Variants in ROS1 observed in about 807,000 individuals in gnomAD.
The protein encoded by ROS1 is ROS proto-oncogene 1, receptor tyrosine kinase, also known as proto-oncogene tyrosine-protein kinase ROS.
A neutral mutation model predicts 273.5 loss-of-function variants in ROS1; 263 were observed. That is an observed-to-expected ratio of 0.96 (90% CI 0.87 to 1.06). The LOEUF is 1.06. Among genes scored for constraint, ROS1 ranks in the 50% least tolerant of loss-of-function variants. The pLI, the probability that ROS1 is intolerant of heterozygous loss-of-function variation, is 0.00. For synonymous variants in ROS1, 1,008 were observed against 954.1 expected (o/e 1.06, Z -1.04); for missense variants, 2,833 against 2,751.1 (o/e 1.03, Z -0.67).
rs181176298 is a variant in ROS1 at position 117,372,562 on chromosome 6, G to A, written c.2583-6272C>T. Among the ~76,000 whole-genome samples, 402 of 152,324 alleles carry A rather than the reference G, an allele frequency of 2.6e-3. 2 individuals are homozygous for A. The highest frequency in any genetic ancestry group is 8.8e-3 in the African/African-American group (364 of 41,570). On this transcript the variant is annotated intron_variant, in intron 18 of 43. Coordinates refer to ENST00000368507, the MANE Select transcript of ROS1 (RefSeq NM_001378902.1). ...AGTTTGTTCCTTCTGATGTTCGGATGTGTTTGGAGTTTCTTCCTTCTGGTG... is the reference window on the plus strand; with the variant it reads ...AGTTTGTTCCTTCTGATGTTCGGATATGTTTGGAGTTTCTTCCTTCTGGTG...
rs1238577631 is a variant in ROS1 at position 117,394,244 on chromosome 6, A to G, written c.1109T>C (p.Ile370Thr). The G allele has an allele frequency of 6.2e-7, 1 of 1,611,098 alleles. No individual in the cohort carries two copies. The highest frequency in any genetic ancestry group is 1.7e-5 in the Admixed American group (1 of 59,514). Reference protein sequence around the residue: ...ANMSDVSDLRIFYRGSGLISS... With the variant: ...ANMSDVSDLRTFYRGSGLISS... ...AATTAATCCTGAACCTCTGTAAAAA[A>G]TTCTCAGGTCAGATACATCAGACAT... The change falls in exon 11 of 44, where the codon ATT (isoleucine) becomes ACT (threonine). Residue 370 changes from isoleucine to threonine, a missense_variant. By Grantham distance (89) the Ile-to-Thr change is moderately conservative. Transcript: ENST00000368507.
At chr6:117,346,148 CA>C (rs1289676841) in intron 27 of ROS1, among the ~76,000 whole-genome samples, 1 of 152,072 alleles carries the variant, frequency 6.6e-6, no homozygotes, top group Non-Finnish European at 1.5e-5. Flanking sequence ...TTATCTAATT[CA>C]AAAGTCATTG....
At chr6:117,416,888 C>T (rs992260219) in intron 2 of ROS1, among the ~76,000 whole-genome samples, 9 of 152,228 alleles carry the variant, frequency 5.9e-5, no homozygotes, top group African/African-American at 2.2e-4. Flanking sequence ...TCATCTGTAC[C>T]TGTCTTGACC....
chr6:117,418,370 T>C, intron 2 of ROS1, 92 bp downstream of exon 2: 1 of 851,536 alleles, frequency 1.2e-6, no homozygotes, highest in Non-Finnish European at 1.9e-6. Flanking sequence ...AGATTTTACT[T>C]AGCAATTCTT....
chr6:117,342,837 T>C (rs1032474674), intron 28 of ROS1, among the ~76,000 whole-genome samples: 5 of 152,148 alleles, frequency 3.3e-5, no homozygotes, highest in African/African-American at 1.2e-4. Flanking sequence ...AACATTGTAT[T>C]AGAAATTCAG....
At chr6:117,345,372 C>CCGG (rs1487462889) in intron 27 of ROS1, among the ~76,000 whole-genome samples, 2 of 152,224 alleles carry the variant, frequency 1.3e-5, no homozygotes, top group African/African-American at 4.8e-5. Context: ...TGTCCTCACT[C>CCGG]CACTTCACGT....
In ROS1 at chr6:117,327,127, G is replaced by T. The variant is rs1361533166; in HGVS notation, c.5349-713C>A. On this transcript the variant is annotated intron_variant, in intron 33 of 43. Transcript: ENST00000368507. ...CAGACCGCAATAGTTTTAGGACTTG[G>T]TGCCAATCCACGGTAAGCTTAGGGA... Among the ~76,000 whole-genome samples, 3 of 152,160 alleles carry T rather than the reference G, an allele frequency of 2.0e-5. No individual in the cohort carries two copies. The East Asian group carries it at 5.8e-4, about 29-fold the overall frequency.
At chr6:117,418,947 CT>C (rs146641115) in intron 1 of ROS1, among the ~76,000 whole-genome samples, 18 of 152,212 alleles carry the variant, frequency 1.2e-4, no homozygotes, top group Non-Finnish European at 2.4e-4. Context: ...ATTTTAAGAA[CT>C]TTTTTATACT....
chr6:117,334,418 G>T (rs1777315506), intron 32 of ROS1, among the ~76,000 whole-genome samples: 1 of 152,140 alleles, frequency 6.6e-6, no homozygotes, highest in South Asian at 2.1e-4. Flanking sequence ...TGGCCATTCT[G>T]CCCAGAGTAA....
At chr6:117,386,445 C>A (rs1330093211) in intron 15 of ROS1, among the ~76,000 whole-genome samples, 1 of 152,254 alleles carries the variant, frequency 6.6e-6, no homozygotes, top group East Asian at 1.9e-4. Context: ...GCCTTCCAGG[C>A]AAATTACCCA....
intron 2 of ROS1, among the ~76,000 whole-genome samples, chr6:117,417,688 A>G (rs1222873022): frequency 6.6e-6 from 1 of 152,110 alleles, no homozygotes; most frequent in Non-Finnish European, 1.5e-5. Context: ...CATGTACCCC[A>G]ATTTCCAAGC....
intron 4 of ROS1, among the ~76,000 whole-genome samples, chr6:117,410,014 G>A (rs1321799): frequency 1.3e-5 from 2 of 151,976 alleles, no homozygotes; most frequent in Admixed American, 6.5e-5. Context: ...ATAAACTCAC[G>A]TATTTAAAGT....
rs1373649183 is a variant in ROS1, at chr6:117,387,000, C to T, written c.2000-1G>A. Reference sequence around the variant, plus strand: ...GCCATGATAAATGGTGGTTCACTAGCTGTTTAGTAAAAAAGAAATTAAAAG... The same window carrying T: ...GCCATGATAAATGGTGGTTCACTAGTTGTTTAGTAAAAAAGAAATTAAAAG... On this transcript the variant is annotated splice_acceptor_variant, in intron 14 of 43. Transcript: ENST00000368507. LOFTEE classifies it high-confidence loss of function. 5 of 1,575,520 alleles carry T rather than the reference C, an allele frequency of 3.2e-6. No homozygotes were observed. In the African/African-American group the frequency reaches 4.1e-5, roughly 13 times the overall value.
intron 43 of ROS1, among the ~76,000 whole-genome samples, chr6:117,294,390 C>T (rs1189080509): frequency 6.6e-6 from 1 of 151,910 alleles, no homozygotes; most frequent in Non-Finnish European, 1.5e-5. Flanking sequence ...CTAGAAAAAC[C>T]TAAAGATTCC....
intron 5 of ROS1, among the ~76,000 whole-genome samples, chr6:117,407,581 T>C (rs894985534): frequency 6.6e-6 from 1 of 152,172 alleles, no homozygotes; most frequent in Non-Finnish European, 1.5e-5. Context: ...TTTAGCTGAA[T>C]AATGAAAGGT....
At position 117,387,845 on chromosome 6, in the gene ROS1, C is replaced by G. The variant is rs991348240; in HGVS notation, c.1934G>C (p.Arg645Thr). Residue 645 changes from arginine to threonine, a missense_variant, in exon 14 of 44, where the codon AGA becomes ACA. Coordinates refer to ENST00000368507, the MANE Select transcript of ROS1 (RefSeq NM_001378902.1). ...GCCTGGCCTCTTTGGAGAACTTGCT[C>G]TCACAGAAACCTTGTATTTCATAGC... ...QSAMKYKVSV[R>T]ASSPKRPGPW... The G allele has an allele frequency of 6.2e-7, 1 of 1,614,198 alleles. No homozygotes were observed. Among genetic ancestry groups the G allele is most frequent in the Non-Finnish European group, 8.5e-7 (1 of 1,180,030 alleles).
At chr6:117,368,267 G>A (rs1485901355) in intron 18 of ROS1, among the ~76,000 whole-genome samples, 1 of 152,004 alleles carries the variant, frequency 6.6e-6, no homozygotes, top group African/African-American at 2.4e-5. Context: ...CAGCATTTTG[G>A]AGTGATAGTT....
At chr6:117,383,153 G>T (rs4945582) in intron 17 of ROS1, among the ~76,000 whole-genome samples, 164 bp downstream of exon 17, 73,045 of 138,974 alleles carry the variant, frequency 0.53, 18,316 homozygotes, top group African/African-American at 0.65. Flanking sequence ...CAAATAAGGC[G>T]CTTTTTTTTC....
intron 6 of ROS1, among the ~76,000 whole-genome samples, chr6:117,403,554 T>C (rs554807068): frequency 6.6e-6 from 1 of 152,142 alleles, no homozygotes; most frequent in Non-Finnish European, 1.5e-5. Flanking sequence ...GGGACTATTT[T>C]TTTTTTTTCT....
Sources: allele counts gnomAD v4.1 joint callset (sites outside exome capture counted in the v4.1 genomes callset), GRCh38; gene constraint gnomAD v4.1.1; transcripts MANE v1.5; gene names NCBI Gene and HGNC (gene_info 2026-07-23, HGNC 2026-07-21).